Variants in FIP1L1 observed in about 807,000 individuals in gnomAD.
The protein encoded by FIP1L1 is factor interacting with PAPOLA and CPSF1.
A neutral mutation model predicts 84.6 loss-of-function variants in FIP1L1; 21 were observed. The observed-to-expected ratio is 0.25, with a 90% confidence interval of 0.18 to 0.36. FIP1L1 has a LOEUF of 0.36. Among genes scored for constraint, FIP1L1 ranks in the 10% least tolerant of loss-of-function variants. FIP1L1 has a pLI of 1.00. For missense variants in FIP1L1, 526 were observed against 751.1 expected, an observed-to-expected ratio of 0.70 and a Z score of 3.50; for synonymous variants, 263 against 242.3, an observed-to-expected ratio of 1.09 and a Z score of -0.80.
intron 13 of FIP1L1, among the ~76,000 whole-genome samples, chr4:53,434,105 CT>C (rs1226919935): frequency 6.6e-6 from 1 of 152,014 alleles, no homozygotes; most frequent in Non-Finnish European, 1.5e-5. Context: ...TCTTTAAACT[CT>C]TTAAAATTAC....
intron 13 of FIP1L1, chr4:53,440,645 T>A: frequency 1.4e-6 from 2 of 1,418,204 alleles, no homozygotes; most frequent in Non-Finnish European, 2.0e-6. Context: ...TCATTGTTAA[T>A]AAACATGAAA....
chr4:53,414,117 G>C (rs1758398523), intron 10 of FIP1L1, among the ~76,000 whole-genome samples: 1 of 152,114 alleles, frequency 6.6e-6, no homozygotes, highest in Non-Finnish European at 1.5e-5. Context: ...CTTTGAAAGA[G>C]TTATTTTGAA....
intron 10 of FIP1L1, among the ~76,000 whole-genome samples, chr4:53,403,166 C>G (rs1316926399): frequency 6.6e-6 from 1 of 151,644 alleles, no homozygotes; most frequent in Admixed American, 6.6e-5. Context: ...CAAGAGAAAC[C>G]TTTTTTTTCA....
At chr4:53,400,824 G>GT (rs1021344207) in intron 10 of FIP1L1, among the ~76,000 whole-genome samples, 1 of 152,114 alleles carries the variant, frequency 6.6e-6, no homozygotes, top group African/African-American at 2.4e-5. Context: ...AAAATGTTTG[G>GT]TTTTAAAGAA....
intron 10 of FIP1L1, among the ~76,000 whole-genome samples, chr4:53,404,717 G>A (rs1752277012): frequency 6.6e-6 from 1 of 152,174 alleles, no homozygotes; most frequent in Admixed American, 6.5e-5. Context: ...ACTGGTGTGA[G>A]ATGCTATCTC....
At chr4:53,431,100 T>C (rs1766448437) in intron 13 of FIP1L1, among the ~76,000 whole-genome samples, 1 of 152,250 alleles carries the variant, frequency 6.6e-6, no homozygotes. Flanking sequence ...ATGTGTTTGC[T>C]AATTGAGTTA....
At chr4:53,435,306 G>GA (rs1480069604) in intron 13 of FIP1L1, among the ~76,000 whole-genome samples, 2 of 152,046 alleles carry the variant, frequency 1.3e-5, no homozygotes, top group South Asian at 2.1e-4. Flanking sequence ...TCTCCTCCAG[G>GA]ATGCACCCTT....
Position 53,454,993 on chromosome 4 carries a change from T to A in FIP1L1, c.1499+1860T>A, listed in dbSNP as rs114360234. On this transcript the variant is annotated intron_variant, in intron 16 of 17. Transcript: ENST00000337488. ...AGCAGTTACTGCTTCACCTTGTACTTTTATGTTATATAGATAGTGTCTTTC... is the reference window on the plus strand; with the variant it reads ...AGCAGTTACTGCTTCACCTTGTACTATTATGTTATATAGATAGTGTCTTTC... Among the ~76,000 whole-genome samples the A allele has an allele frequency of 8.8e-3, 1,341 of 152,308 alleles. 22 individuals are homozygous for A. Among genetic ancestry groups the A allele is most frequent in the African/African-American group, 0.03 (1,264 of 41,558 alleles).
chr4:53,455,774 C>T (rs141853798), intron 16 of FIP1L1, among the ~76,000 whole-genome samples: 253 of 152,168 alleles, frequency 1.7e-3, no homozygotes, highest in Non-Finnish European at 2.6e-3. Flanking sequence ...GTCAAGCTGT[C>T]TAGGACTGGT....
intron 11 of FIP1L1, among the ~76,000 whole-genome samples, chr4:53,419,867 C>CT (rs1156542751): frequency 6.6e-6 from 1 of 152,118 alleles, no homozygotes; most frequent in Non-Finnish European, 1.5e-5. Flanking sequence ...AATCCCAGAA[C>CT]TTTGGGAGGC....
At chr4:53,437,350 AAAAGAG>A (rs1263654023) in intron 13 of FIP1L1, among the ~76,000 whole-genome samples, 3 of 148,464 alleles carry the variant, frequency 2.0e-5, no homozygotes, top group Non-Finnish European at 3.0e-5. Flanking sequence ...AAAAAAAAAA[AAAAGAG>A]AGAGAAATCA....
intron 10 of FIP1L1, among the ~76,000 whole-genome samples, chr4:53,410,049 A>C (rs1756328179): frequency 6.6e-6 from 1 of 152,222 alleles, no homozygotes; most frequent in Admixed American, 6.5e-5. Context: ...CCGGTACCTC[A>C]GATGGAAATG....
chr4:53,403,125 G>A (rs1278054512), intron 10 of FIP1L1, among the ~76,000 whole-genome samples: 1 of 152,162 alleles, frequency 6.6e-6, no homozygotes, highest in Admixed American at 6.5e-5. Context: ...GGTGAAAGGA[G>A]TAGCTGGGCA....
intron 5 of FIP1L1, among the ~76,000 whole-genome samples, chr4:53,388,420 C>T (rs896839640): frequency 2.6e-5 from 4 of 151,924 alleles, no homozygotes; most frequent in African/African-American, 9.7e-5. Context: ...CTGCAAGCTC[C>T]GCCTCCTGGG....
chr4:53,428,263 A>G, intron 13 of FIP1L1, 80 bp downstream of exon 13: 1 of 1,350,858 alleles, frequency 7.4e-7, no homozygotes, highest in Non-Finnish European at 1.0e-6. Context: ...AATTAAAATA[A>G]TATCTTGATC....
At chr4:53,450,778 CT>C (rs1437846140) in intron 15 of FIP1L1, among the ~76,000 whole-genome samples, 2 of 152,142 alleles carry the variant, frequency 1.3e-5, no homozygotes, top group Non-Finnish European at 2.9e-5. Flanking sequence ...GGTGAATTTC[CT>C]GTTCCTACCT....
chr4:53,432,902 G>C lies in FIP1L1; in HGVS notation c.1174+4719G>C, dbSNP rs1457419354. ...ACTTTTTTTTTTAAAGCATTTCTCTGATGTTGAAGTACATGCATACGTATT... is the reference window on the plus strand; with the variant it reads ...ACTTTTTTTTTTAAAGCATTTCTCTCATGTTGAAGTACATGCATACGTATT... On this transcript the variant is annotated intron_variant, in intron 13 of 17. Transcript: ENST00000337488. 2.0e-5 allele frequency among the ~76,000 whole-genome samples: 3 copies of C among 152,034 alleles called. No homozygotes were observed. In the South Asian group the frequency reaches 6.2e-4, roughly 32 times the overall value.
intron 16 of FIP1L1, among the ~76,000 whole-genome samples, chr4:53,455,329 C>T (rs1294141594): frequency 2.0e-5 from 3 of 152,112 alleles, no homozygotes; most frequent in South Asian, 4.1e-4. Context: ...AGACTTCAGC[C>T]TATCATTACT....
intron 15 of FIP1L1, among the ~76,000 whole-genome samples, chr4:53,452,405 G>A (rs1217697339): frequency 6.6e-6 from 1 of 151,186 alleles, no homozygotes; most frequent in Admixed American, 6.6e-5. Context: ...TGTAACCTCC[G>A]CCTCCCGGGT....
Sources: gnomAD v4.1 joint callset for allele counts (sites outside exome capture counted in the v4.1 genomes callset) on GRCh38, gnomAD v4.1.1 for gene constraint, MANE v1.5 for transcripts, NCBI Gene and HGNC (gene_info 2026-07-23, HGNC 2026-07-21) for gene names.